Variants in DPYSL3 observed in about 807,000 individuals in gnomAD.
The protein encoded by DPYSL3 is dihydropyrimidinase-related protein 3.
Under a neutral mutation model 66.1 loss-of-function variants are expected in DPYSL3, and 16 were observed. That is an observed-to-expected ratio of 0.24 (90% CI 0.16 to 0.37). The LOEUF (loss-of-function observed/expected upper bound fraction) is 0.37, where lower values mean the gene tolerates loss of function less well. Ranked by LOEUF, DPYSL3 falls within the 10% of genes least tolerant of loss-of-function variation. The pLI is 1.00. For missense variants in DPYSL3, 738 were observed against 916.2 expected (o/e 0.81, Z 2.51); for synonymous variants, 338 against 345.1 (o/e 0.98, Z 0.23).
intron 4 of DPYSL3, among the ~76,000 whole-genome samples, chr5:147,414,686 C>T (rs184588052): frequency 6.6e-5 from 10 of 152,214 alleles, no homozygotes; most frequent in Middle Eastern, 3.4e-3. Context: ...CCAGTATAAA[C>T]GCAAATACAG....
At chr5:147,449,340 G>A (rs147707024) in intron 1 of DPYSL3, among the ~76,000 whole-genome samples, 53 of 152,270 alleles carry the variant, frequency 3.5e-4, no homozygotes, top group African/African-American at 1.2e-3. Flanking sequence ...GCCCTAGACC[G>A]AACTTTGCAA....
chr5:147,486,642 A>G (rs751497034), intron 1 of DPYSL3, among the ~76,000 whole-genome samples: 25 of 152,164 alleles, frequency 1.6e-4, no homozygotes, highest in Non-Finnish European at 3.4e-4. Context: ...CCCTTCAAGT[A>G]CCTAATAGAT....
chr5:147,453,702 G>T, intron 1 of DPYSL3: 1 of 1,340,512 alleles, frequency 7.5e-7, no homozygotes, highest in South Asian at 2.0e-5. Flanking sequence ...TGGTGCGCTG[G>T]CCGCGCCGCC....
intron 1 of DPYSL3, chr5:147,454,208 G>A (rs976240839): frequency 6.6e-6 from 1 of 152,076 alleles, no homozygotes; most frequent in Non-Finnish European, 1.5e-5. Context: ...GACGGTTCCC[G>A]GCTTCCCTCC....
At chr5:147,496,872 C>A (rs1753522378) in intron 1 of DPYSL3, among the ~76,000 whole-genome samples, 1 of 152,000 alleles carries the variant, frequency 6.6e-6, no homozygotes, top group Non-Finnish European at 1.5e-5. Context: ...ACTAGAAATA[C>A]CATTTGACCC....
intron 1 of DPYSL3, among the ~76,000 whole-genome samples, chr5:147,464,593 C>T (rs1752984697): frequency 6.6e-6 from 1 of 152,182 alleles, no homozygotes; most frequent in South Asian, 2.1e-4. Flanking sequence ...CCTTTGTGAA[C>T]TACATGGGTT....
intron 1 of DPYSL3, among the ~76,000 whole-genome samples, chr5:147,482,585 G>A (rs759698555): frequency 1.5e-4 from 23 of 152,160 alleles, no homozygotes; most frequent in Non-Finnish European, 3.1e-4. Context: ...ACCAGAGACC[G>A]TTTTTTCCAC....
In DPYSL3 at chr5:147,431,543, C is replaced by T. The variant is rs1451269987; in HGVS notation, c.382-6580G>A. On this transcript the variant is annotated intron_variant, in intron 1 of 13. Transcript: ENST00000343218. ...ACTATAAATGCTCAATATGTGTGAG[C>T]TACCATCATCATTATTATTTCTTAC... 2.6e-5 allele frequency among the ~76,000 whole-genome samples: 4 copies of T among 151,942 alleles called. No individual in the cohort carries two copies. The East Asian group carries it at 7.7e-4, about 29-fold the overall frequency.
intron 1 of DPYSL3, among the ~76,000 whole-genome samples, chr5:147,469,497 G>A (rs1015789072): frequency 5.3e-5 from 8 of 152,218 alleles, no homozygotes; most frequent in Admixed American, 2.0e-4. Flanking sequence ...TAGGTAAAAT[G>A]TTGGAGAGGT....
At chr5:147,400,135 G>C (rs1199238108) in intron 10 of DPYSL3, among the ~76,000 whole-genome samples, 2 of 152,154 alleles carry the variant, frequency 1.3e-5, no homozygotes, top group Non-Finnish European at 2.9e-5. Flanking sequence ...TAAAATCTTT[G>C]AAAGAGTCTT....
chr5:147,506,484 A>G (rs1753686854), intron 1 of DPYSL3, among the ~76,000 whole-genome samples: 1 of 152,184 alleles, frequency 6.6e-6, no homozygotes, highest in Non-Finnish European at 1.5e-5. Context: ...ATCTGAAGCA[A>G]CATATTCAGT....
In DPYSL3 at chr5:147,489,105, C is replaced by G. The variant is rs532914644; in HGVS notation, c.381+20373G>C. On this transcript the variant is annotated intron_variant, in intron 1 of 13. Coordinates refer to ENST00000343218, the MANE Select transcript of DPYSL3 (RefSeq NM_001197294.2). ...CTGTTGGAGTCCCTCTCCACTTCTT[C>G]CTTTCCATGCTCTATCTCCTGGTGT... 2.4e-4 allele frequency among the ~76,000 whole-genome samples: 37 copies of G among 152,214 alleles called. No individual in the cohort carries two copies. The South Asian group carries it at 7.5e-3, about 31-fold the overall frequency.
rs115420355 is a variant in DPYSL3, at chr5:147,449,374, G to A, written c.382-24411C>T. Among the ~76,000 whole-genome samples, 727 of 152,322 alleles carry A rather than the reference G, an allele frequency of 4.8e-3. 12 individuals carry two copies. Among genetic ancestry groups the A allele is most frequent in the African/African-American group, 0.017 (698 of 41,564 alleles). The stretch of plus-strand genomic sequence containing the variant: ...AAGTTGTATTCCTAACTGGGGATAC[G>A]TCTTCCAGCAATTCCCAAATACCAC... On this transcript the variant is annotated intron_variant, in intron 1 of 13. Transcript: ENST00000343218.
chr5:147,429,942 A>G (rs1752276882), intron 1 of DPYSL3, among the ~76,000 whole-genome samples: 1 of 152,230 alleles, frequency 6.6e-6, no homozygotes. Context: ...GTGTTAATGT[A>G]GTTTATAAAG....
chr5:147,416,385 T>C (rs1382268961), intron 3 of DPYSL3, among the ~76,000 whole-genome samples: 2 of 152,192 alleles, frequency 1.3e-5, no homozygotes, highest in Non-Finnish European at 2.9e-5. Flanking sequence ...CTCTCTGCTA[T>C]AGGACAAAGC....
chr5:147,401,001 C>CT (rs1243567253), intron 9 of DPYSL3, among the ~76,000 whole-genome samples, 168 bp from the exon 10 acceptor site: 11 of 152,156 alleles, frequency 7.2e-5, no homozygotes, highest in Non-Finnish European at 1.6e-4. Context: ...CTTCCCCTCC[C>CT]TGGGCTCAGT....
chr5:147,504,827 A>G (rs1394239875), intron 1 of DPYSL3, among the ~76,000 whole-genome samples: 1 of 152,204 alleles, frequency 6.6e-6, no homozygotes, highest in Non-Finnish European at 1.5e-5. Context: ...AAAGTTATCA[A>G]TAAAAACCCC....
rs78919691 is a variant in DPYSL3, at chr5:147,424,028, C to T, written c.470+847G>A. Among the ~76,000 whole-genome samples, 194 of 152,212 alleles carry T rather than the reference C, an allele frequency of 1.3e-3. 1 individual carries two copies. The highest frequency in any genetic ancestry group is 4.6e-3 in the East Asian group (24 of 5,174). On this transcript the variant is annotated intron_variant, in intron 2 of 13. Transcript: ENST00000343218. ...ATTACAGCCGCCATGCCCGGCCGAC[C>T]GCAAGCTGTTTTGAAAGCACACAGA...
chr5:147,405,596 G>C lies in DPYSL3; in HGVS notation c.1153+14C>G. On this transcript the variant is annotated intron_variant, in intron 8 of 13. Transcript: ENST00000343218. ...TGCCATCAGGGGCTCCGAGATCTTGGAAACACAAATCACCTTTTTTCCTGG... is the reference window on the plus strand; with the variant it reads ...TGCCATCAGGGGCTCCGAGATCTTGCAAACACAAATCACCTTTTTTCCTGG... The C allele has an allele frequency of 6.2e-7, 1 of 1,607,212 alleles. No individual in the cohort carries two copies. Among genetic ancestry groups the C allele is most frequent in the Non-Finnish European group, 8.5e-7 (1 of 1,176,684 alleles).
Sources: gnomAD v4.1 joint callset for allele counts (sites outside exome capture counted in the v4.1 genomes callset) on GRCh38, gnomAD v4.1.1 for gene constraint, MANE v1.5 for transcripts, NCBI Gene and HGNC (gene_info 2026-07-23, HGNC 2026-07-21) for gene names.